Variants in TNR observed in about 807,000 individuals in gnomAD.
TNR encodes tenascin-R.
TNR carries 45 observed loss-of-function variants against 150.4 expected under a neutral mutation model. The ratio of observed to expected loss-of-function variants is 0.30; its 90% CI spans 0.24 to 0.38. The LOEUF (loss-of-function observed/expected upper bound fraction) is 0.38. Ranked by LOEUF, TNR falls within the 10% of genes least tolerant of loss-of-function variation. TNR has a pLI of 1.00. For missense variants in TNR, 1,544 were observed against 1,759.1 expected (o/e 0.88, Z 2.19); for synonymous variants, 687 against 678.4 (o/e 1.01, Z -0.20).
At chr1:175,346,527 T>C (rs1465107172) in intron 18 of TNR, among the ~76,000 whole-genome samples, 1 of 151,154 alleles carries the variant, frequency 6.6e-6, no homozygotes. Flanking sequence ...AAAAGAAATA[T>C]ATCACTAGGA....
chr1:175,650,718 CT>C lies in TNR; in HGVS notation c.-165+92507del, dbSNP rs1198586048. Among the ~76,000 whole-genome samples the C allele has an allele frequency of 7.0e-4, 71 of 101,456 alleles. 2 individuals carry two copies. Among genetic ancestry groups the C allele is most frequent in the East Asian group, 8.5e-4 (3 of 3,528 alleles). The allele number at this position is 101,456 out of a possible 152,430, so 66.6% of individuals were successfully genotyped here. On this transcript the variant is annotated intron_variant, in intron 1 of 22. Coordinates refer to ENST00000367674, the MANE Select transcript of TNR (RefSeq NM_003285.3). ...CCCTACCCCATTACTACCCCTCCCC[CT>C]ACCCCTCCCCGCCTCATTACTACCC...
chr1:175,335,568 C>T, intron 20 of TNR, 143 bp downstream of exon 20: 1 of 738,028 alleles, frequency 1.4e-6, no homozygotes, highest in African/African-American at 1.8e-5. Flanking sequence ...CTAAACAGAG[C>T]AAGAGGTTCT....
chr1:175,617,347 G>C (rs1663814340), intron 1 of TNR, among the ~76,000 whole-genome samples: 1 of 152,106 alleles, frequency 6.6e-6, no homozygotes, highest in Admixed American at 6.5e-5. Flanking sequence ...TGAGTGTCTG[G>C]GTGCCTCTAT....
At chr1:175,444,215 T>C (rs1655927157) in intron 2 of TNR, among the ~76,000 whole-genome samples, 1 of 152,134 alleles carries the variant, frequency 6.6e-6, no homozygotes, top group African/African-American at 2.4e-5. Context: ...TGGTACATTG[T>C]GAGTTATGGC....
chr1:175,612,088 A>G (rs1304422276), intron 1 of TNR, among the ~76,000 whole-genome samples: 2 of 152,180 alleles, frequency 1.3e-5, no homozygotes, highest in Non-Finnish European at 2.9e-5. Context: ...TCTAGGATGC[A>G]GTATGATAAA....
intron 1 of TNR, among the ~76,000 whole-genome samples, chr1:175,544,742 G>C (rs1660620879): frequency 6.6e-6 from 1 of 152,182 alleles, no homozygotes; most frequent in African/African-American, 2.4e-5. Context: ...CGATCAAGGA[G>C]CTATTGGAAA....
At chr1:175,573,701 C>T (rs1038246942) in intron 1 of TNR, among the ~76,000 whole-genome samples, 1 of 152,178 alleles carries the variant, frequency 6.6e-6, no homozygotes, top group Admixed American at 6.5e-5. Flanking sequence ...GGGGCACTGG[C>T]AGATTTCCAG....
intron 2 of TNR, among the ~76,000 whole-genome samples, chr1:175,483,830 T>C (rs1253692377): frequency 6.6e-6 from 1 of 152,158 alleles, no homozygotes; most frequent in Non-Finnish European, 1.5e-5. Context: ...TCTTGGAGGC[T>C]AGCCTTTTGG....
intron 9 of TNR, among the ~76,000 whole-genome samples, chr1:175,377,338 G>A (rs562177039): frequency 2.0e-5 from 3 of 152,170 alleles, no homozygotes; most frequent in South Asian, 2.1e-4. Flanking sequence ...ATGTCATGGC[G>A]CATCCTCCAT....
intron 1 of TNR, among the ~76,000 whole-genome samples, chr1:175,698,859 G>C (rs1374017558): frequency 6.6e-6 from 1 of 151,968 alleles, no homozygotes; most frequent in Non-Finnish European, 1.5e-5. Context: ...ACGGGAGGCA[G>C]AGCCTGTGGG....
intron 1 of TNR, among the ~76,000 whole-genome samples, chr1:175,621,556 A>G (rs1375882242): frequency 6.6e-6 from 1 of 152,242 alleles, no homozygotes; most frequent in Non-Finnish European, 1.5e-5. Context: ...CTAATGTATT[A>G]AATGGGTTAA....
intron 1 of TNR, among the ~76,000 whole-genome samples, chr1:175,585,283 G>A (rs924817796): frequency 3.3e-5 from 5 of 152,164 alleles, no homozygotes; most frequent in Non-Finnish European, 7.3e-5. Context: ...GGATTTGAAT[G>A]CAACTACTCA....
In TNR at chr1:175,321,457, T is replaced by C. The variant is rs1336090163; in HGVS notation, c.*1900A>G. ...CACTAAGGCTCATCCAGTAACTGGT[T>C]GGCAAAGGTACACACTGCTCTGGTC... On this transcript the variant is annotated 3_prime_UTR_variant, in exon 23 of 23. Coordinates refer to ENST00000367674, the MANE Select transcript of TNR (RefSeq NM_003285.3). The C allele has an allele frequency of 6.6e-6, 1 of 152,320 alleles. No homozygotes were observed. The highest frequency in any genetic ancestry group is 1.5e-5 in the Non-Finnish European group (1 of 68,072). The allele number at this position is 152,320 out of a possible 1,614,324, so 9.4% of individuals were successfully genotyped here. A position where few individuals can be genotyped will look rare whatever the true frequency, so the allele number is the denominator to read the frequency against.
chr1:175,368,762 C>G (rs1239537634), intron 9 of TNR, among the ~76,000 whole-genome samples: 1 of 152,118 alleles, frequency 6.6e-6, no homozygotes, highest in Non-Finnish European at 1.5e-5. Context: ...CCAGCCTGAC[C>G]AATATGGTGA....
chr1:175,580,876 G>A (rs1211233307), intron 1 of TNR, among the ~76,000 whole-genome samples: 1 of 152,132 alleles, frequency 6.6e-6, no homozygotes, highest in East Asian at 1.9e-4. Flanking sequence ...CATTGTGAGA[G>A]TGGGGAGATC....
intron 19 of TNR, among the ~76,000 whole-genome samples, chr1:175,336,692 G>T (rs537632638): frequency 6.6e-6 from 1 of 152,298 alleles, no homozygotes; most frequent in South Asian, 2.1e-4. Context: ...CTGACCACTG[G>T]TGCTCCCTGA....
intron 16 of TNR, 40 bp downstream of exon 16, chr1:175,356,279 G>A (rs756208713): frequency 1.2e-6 from 2 of 1,610,960 alleles, no homozygotes; most frequent in East Asian, 2.2e-5. Context: ...TTCCACAAAA[G>A]TCCCCAGGGA....
Position 175,396,579 on chromosome 1 carries a change from A to G in TNR, c.1205T>C (p.Ile402Thr). The G allele has an allele frequency of 6.2e-7, 1 of 1,614,196 alleles. No homozygotes were observed. Among genetic ancestry groups the G allele is most frequent in the South Asian group, 1.1e-5 (1 of 91,080 alleles). Residue 402 changes from isoleucine to threonine, a missense_variant, in exon 5 of 23, where the codon ATC becomes ACC. This residue lies in a region of TNR where 1,254 missense variants were observed against 1,329.4 expected (regional missense o/e 0.94). Coordinates refer to ENST00000367674, the MANE Select transcript of TNR (RefSeq NM_003285.3). ...NISVYAVISN[I>T]LSLPITAKVA... ...CTTGGCAGTGATGGGAAGGCTGAGG[A>G]TGTTGCTAATGACAGCGTAGACGCT... is the stretch of plus-strand genomic sequence containing the variant.
chr1:175,475,031 T>C lies in TNR; in HGVS notation c.-64+53238A>G, dbSNP rs116264127. On this transcript the variant is annotated intron_variant, in intron 2 of 22. Coordinates refer to ENST00000367674, the MANE Select transcript of TNR (RefSeq NM_003285.3). Reference sequence around the variant, plus strand: ...TGTTAAGGGCAGAAGTGGCTTGGACTCAAGAAGAGGAAGTCTATAGCAACA... The same window carrying C: ...TGTTAAGGGCAGAAGTGGCTTGGACCCAAGAAGAGGAAGTCTATAGCAACA... Among the ~76,000 whole-genome samples the C allele has an allele frequency of 7.7e-3, 1,171 of 152,312 alleles. 13 individuals carry two copies. The highest frequency in any genetic ancestry group is 0.027 in the African/African-American group (1,114 of 41,574).
Sources: gnomAD v4.1 joint callset for allele counts (sites outside exome capture counted in the v4.1 genomes callset) on GRCh38, gnomAD v4.1.1 for gene constraint, gnomAD v4.1.1 regional missense constraint, MANE v1.5 for transcripts, NCBI Gene and HGNC (gene_info 2026-07-23, HGNC 2026-07-21) for gene names.